REV3L: variants seen among roughly 807,000 people sequenced by gnomAD.
REV3L encodes DNA polymerase zeta catalytic subunit.
Under a neutral mutation model 299.4 loss-of-function variants are expected in REV3L, and 69 were observed. The ratio of observed to expected loss-of-function variants is 0.23; its 90% CI spans 0.19 to 0.28. The LOEUF (loss-of-function observed/expected upper bound fraction) is 0.28. Ranked by LOEUF, REV3L falls within the 10% of genes least tolerant of loss-of-function variation. The pLI is 1.00. For synonymous variants in REV3L, 1,238 were observed against 1,271.4 expected, an observed-to-expected ratio of 0.97 and a Z score of 0.56; for missense variants, 3,128 against 3,693.8, an observed-to-expected ratio of 0.85 and a Z score of 3.97.
chr6:111,431,413 CGGT>C, intron 1 of REV3L: 1 of 992,502 alleles, frequency 1.0e-6, no homozygotes, highest in Non-Finnish European at 1.6e-6. Flanking sequence ...TTTGGCGTTC[CGGT>C]TAAAGTTTTT....
At position 111,351,673 on chromosome 6, in the gene REV3L, T is replaced by G; in HGVS notation, c.7300+3A>C. On this transcript the variant is annotated splice_donor_region_variant and intron_variant, in intron 19 of 31. Transcript: ENST00000368802. ...ATGACAAAACATTCACAATGACACA[T>G]ACCTGGCACCCGAGAGATCATCCGA... 1 of 1,606,988 alleles carries G rather than the reference T, an allele frequency of 6.2e-7. No individual in the cohort carries two copies. The highest frequency in any genetic ancestry group is 2.2e-5 in the East Asian group (1 of 44,772).
intron 18 of REV3L, among the ~76,000 whole-genome samples, chr6:111,354,503 G>A (rs1452617946): frequency 6.6e-6 from 1 of 152,002 alleles, no homozygotes; most frequent in African/African-American, 2.4e-5. Context: ...GTTGTTTCAG[G>A]CATTTTTTCA....
At chr6:111,417,669 C>T (rs556178529) in intron 1 of REV3L, among the ~76,000 whole-genome samples, 102 of 152,320 alleles carry the variant, frequency 6.7e-4, no homozygotes, top group Non-Finnish European at 5.3e-4. Flanking sequence ...TAGTTCTACA[C>T]TGTGTTGATA....
chr6:111,327,432 G>A (rs1391308326), intron 25 of REV3L, among the ~76,000 whole-genome samples: 2 of 152,024 alleles, frequency 1.3e-5, no homozygotes, highest in Admixed American at 6.6e-5. Context: ...GTAAGCACCT[G>A]TAGTCCCAGC....
intron 16 of REV3L, among the ~76,000 whole-genome samples, chr6:111,362,811 T>C (rs1778834827): frequency 6.6e-6 from 1 of 152,202 alleles, no homozygotes; most frequent in Non-Finnish European, 1.5e-5. Context: ...ACCTAAGTCG[T>C]TCCAAACATA....
chr6:111,332,318 G>A (rs17511314), intron 23 of REV3L, among the ~76,000 whole-genome samples: 39 of 152,120 alleles, frequency 2.6e-4, no homozygotes, highest in African/African-American at 9.2e-4. Flanking sequence ...TGATCTGCCC[G>A]CCTTGGCCTC....
chr6:111,449,956 A>G lies in REV3L; in HGVS notation c.139+32794T>C, dbSNP rs139511708. 8.8e-3 allele frequency among the ~76,000 whole-genome samples: 1,345 copies of G among 152,320 alleles called. 15 individuals are homozygous for G. The highest frequency in any genetic ancestry group is 0.011 in the Non-Finnish European group (776 of 68,028). ...AAAATAGTTATTGCAACTGTAAACT[A>G]TATGTTCAAGAAGTAGAAGAATGCC... is the stretch of plus-strand genomic sequence containing the variant. On this transcript the variant is annotated intron_variant, in intron 1 of 31. Coordinates refer to ENST00000368802, the MANE Select transcript of REV3L (RefSeq NM_001372078.1).
chr6:111,408,665 G>A (rs1384025372), intron 3 of REV3L, among the ~76,000 whole-genome samples: 1 of 143,738 alleles, frequency 7.0e-6, no homozygotes, highest in African/African-American at 2.5e-5. Flanking sequence ...ACATTATTGA[G>A]AACACTAAAG....
At chr6:111,443,216 G>C (rs35388905) in intron 1 of REV3L, among the ~76,000 whole-genome samples, 8,482 of 151,676 alleles carry the variant, frequency 0.056, 268 homozygotes, top group Middle Eastern at 0.085. Context: ...CTGGAGTGCA[G>C]TGGCTCACTG....
At chr6:111,415,973 C>A (rs1009932982) in intron 2 of REV3L, among the ~76,000 whole-genome samples, 15 of 152,230 alleles carry the variant, frequency 9.9e-5, no homozygotes. Context: ...ATATCCCAAA[C>A]GCCTAGAACA....
rs558784196 is a variant in REV3L, at chr6:111,325,940, C to T, written c.8242-3262G>A. On this transcript the variant is annotated intron_variant, in intron 25 of 31. Coordinates refer to ENST00000368802, the MANE Select transcript of REV3L (RefSeq NM_001372078.1). ...TCTCCCTCCCTCCCCACCTCATTGC[C>T]TCTGGCAACCATCATTCTACTCTCT... 4.6e-5 allele frequency among the ~76,000 whole-genome samples: 7 copies of T among 152,274 alleles called. No homozygotes were observed. In the South Asian group the frequency reaches 1.4e-3, roughly 32 times the overall value.
At chr6:111,437,990 C>G (rs1787788121) in intron 1 of REV3L, among the ~76,000 whole-genome samples, 1 of 151,524 alleles carries the variant, frequency 6.6e-6, no homozygotes, top group Non-Finnish European at 1.5e-5. Flanking sequence ...GTAGCTGGAA[C>G]TACAGGTATG....
rs3218591 is a variant in REV3L, at chr6:111,374,926, T to A, written c.3429A>T (p.Ala1143=). 221,628 of 1,612,730 alleles carry A rather than the reference T, an allele frequency of 0.14. 17,256 individuals carry two copies. Among genetic ancestry groups the A allele is most frequent in the Middle Eastern group, 0.18 (1,115 of 6,054 alleles). Reference sequence around the variant, plus strand: ...CCTTAAAAAGCATTGCCTCTTTTTCTGCAGCAGCCATGATTTCTTCAGCTC... The same window carrying A: ...CCTTAAAAAGCATTGCCTCTTTTTCAGCAGCAGCCATGATTTCTTCAGCTC... ...DPRAEEIMAA[A]EKEAMLFKGP... Residue 1143 remains alanine, a synonymous_variant, in exon 13 of 32, where the codon GCA becomes GCT. Coordinates refer to ENST00000368802, the MANE Select transcript of REV3L (RefSeq NM_001372078.1).
chr6:111,351,328 C>G (rs950299584), intron 19 of REV3L, among the ~76,000 whole-genome samples: 22 of 151,478 alleles, frequency 1.5e-4, no homozygotes, highest in Non-Finnish European at 2.8e-4. Flanking sequence ...ATTATGAAGA[C>G]TATTTCATAA....
At chr6:111,389,011 AG>A (rs1781628646) in intron 7 of REV3L, 94 bp downstream of exon 7, 1 of 879,398 alleles carries the variant, frequency 1.1e-6, no homozygotes, top group Non-Finnish European at 1.8e-6. Context: ...TCATTTGAAA[AG>A]TAAAATCTAA....
Position 111,365,252 on chromosome 6 carries a change from TTAGTA to T in REV3L, c.6753+8_6753+12del. The T allele has an allele frequency of 7.2e-7, 1 of 1,395,478 alleles. No individual in the cohort carries two copies. The highest frequency in any genetic ancestry group is 9.8e-7 in the Non-Finnish European group (1 of 1,022,224). 86.4% of individuals were successfully genotyped at this position (1,395,478 alleles called of 1,614,324 possible). ...CTCTTCCACTGATCTTTAAAAATGT[TTAGTA>T]TAGTTACCTTTGCTTGTGTTAACAG... On this transcript the variant is annotated splice_region_variant and intron_variant, in intron 15 of 31. Coordinates refer to ENST00000368802, the MANE Select transcript of REV3L (RefSeq NM_001372078.1).
At chr6:111,362,082 T>A (rs1284186142) in intron 16 of REV3L, among the ~76,000 whole-genome samples, 1 of 152,212 alleles carries the variant, frequency 6.6e-6, no homozygotes, top group Non-Finnish European at 1.5e-5. Context: ...TACATATTTT[T>A]AAAAAAGTTT....
intron 25 of REV3L, among the ~76,000 whole-genome samples, chr6:111,323,139 C>A (rs1190430397): frequency 6.6e-6 from 1 of 152,114 alleles, no homozygotes; most frequent in East Asian, 1.9e-4. Flanking sequence ...TAGGCGCACG[C>A]CACCACACCC....
intron 1 of REV3L, chr6:111,431,403 T>C: frequency 1.0e-6 from 1 of 984,478 alleles, no homozygotes; most frequent in Non-Finnish European, 1.6e-6. Context: ...AGTAACAAAC[T>C]TTGGCGTTCC....
Sources: gnomAD v4.1 joint callset for allele counts (sites outside exome capture counted in the v4.1 genomes callset) on GRCh38, gnomAD v4.1.1 for gene constraint, MANE v1.5 for transcripts, NCBI Gene and HGNC (gene_info 2026-07-23, HGNC 2026-07-21) for gene names.